Variants in ELN observed in about 807,000 individuals in gnomAD.
The protein encoded by ELN is elastin.
A neutral mutation model predicts 105.8 loss-of-function variants in ELN; 65 were observed. That is an observed-to-expected ratio of 0.61 (90% confidence interval 0.50 to 0.75). The LOEUF (loss-of-function observed/expected upper bound fraction) is 0.75, where lower values mean the gene tolerates loss of function less well. ELN is among the 30% of genes least tolerant of loss of function. The probability of loss-of-function intolerance (pLI) is 0.00; values close to 1 mark genes in which losing one functional copy is unlikely to be tolerated. For synonymous variants in ELN, 368 were observed against 389.2 expected, an observed-to-expected ratio of 0.95 and a Z score of 0.64; for missense variants, 882 against 969.4, an observed-to-expected ratio of 0.91 and a Z score of 1.20.
chr7:74,047,267 A>T (rs547932981), intron 12 of ELN, among the ~76,000 whole-genome samples: 1 of 152,268 alleles, frequency 6.6e-6, no homozygotes, highest in African/African-American at 2.4e-5. Flanking sequence ...ACGCTCATGC[A>T]CAGAGACCCA....
At chr7:74,035,602 G>A (rs1789743897) in intron 2 of ELN, 188 bp downstream of exon 2, 3 of 733,416 alleles carry the variant, frequency 4.1e-6, no homozygotes, top group African/African-American at 1.7e-5. Context: ...GGACATGGTG[G>A]CTTATGCCTG....
In ELN at chr7:74,069,784, C is replaced by T. The variant is rs1798677380; in HGVS notation, c.*1084C>T. On this transcript the variant is annotated 3_prime_UTR_variant, in exon 33 of 33. Coordinates refer to ENST00000252034, the MANE Select transcript of ELN (RefSeq NM_000501.4). ...TTTTCTGATCCGGGGAGCTGTATCC[C>T]CAGTAGAAAAAACATTTTAATCACT... 1 of 222,832 alleles carries T rather than the reference C, an allele frequency of 4.5e-6. No homozygotes were observed. Among genetic ancestry groups the T allele is most frequent in the Admixed American group, 5.8e-5 (1 of 17,390 alleles). The allele number at this position is 222,832 out of a possible 1,614,324, so 13.8% of individuals were successfully genotyped here.
At chr7:74,065,616 GAAAAAAAAA>G in intron 29 of ELN, 69 bp from the exon 30 acceptor site, 4 of 1,278,460 alleles carry the variant, frequency 3.1e-6, no homozygotes, top group Non-Finnish European at 4.2e-6. Flanking sequence ...TCTGCCTCAA[GAAAAAAAAA>G]AAAAAAAAAG....
chr7:74,028,455 C>T (rs1021716537), intron 1 of ELN, among the ~76,000 whole-genome samples, 186 bp downstream of exon 1: 3 of 152,214 alleles, frequency 2.0e-5, no homozygotes, highest in Non-Finnish European at 4.4e-5. Flanking sequence ...CCAGGAGGAA[C>T]CTGTCAAAGA....
At position 74,054,722 on chromosome 7, in the gene ELN, T is replaced by A; in HGVS notation, c.1103T>A (p.Val368Glu). Residue 368 changes from valine to glutamate, a missense_variant, in exon 19 of 33, where the codon GTG becomes GAG. Val to Glu is a moderately radical substitution (Grantham distance 121, BLOSUM62 -2). Transcript: ENST00000252034. ...TCCCTTTTGGTCTCTCCAGGGGTTGTGTCACCAGAAGCAGCTGCTAAGGCA... is the reference window on the plus strand; with the variant it reads ...TCCCTTTTGGTCTCTCCAGGGGTTGAGTCACCAGAAGCAGCTGCTAAGGCA... ...GIPGAAVPGV[V>E]SPEAAAKAAA... The A allele has an allele frequency of 1.2e-6, 2 of 1,614,212 alleles. No homozygotes were observed. Among genetic ancestry groups the A allele is most frequent in the Non-Finnish European group, 1.7e-6 (2 of 1,180,038 alleles).
At chr7:74,050,148 T>C (rs1188024664) in intron 15 of ELN, among the ~76,000 whole-genome samples, 3 of 149,760 alleles carry the variant, frequency 2.0e-5, no homozygotes, top group Non-Finnish European at 4.4e-5. Flanking sequence ...CTTCCATCCA[T>C]CCATCCATCC....
rs1554688967 is a variant in ELN, at chr7:74,065,997, G to C, written c.2086G>C (p.Gly696Arg). Residue 696 changes from glycine to arginine, a missense_variant and splice_region_variant, in exon 31 of 33, where the codon GGA (glycine) becomes CGA (arginine). Gly to Arg is a moderately radical substitution (Grantham distance 125). Coordinates refer to ENST00000252034, the MANE Select transcript of ELN (RefSeq NM_000501.4). ...GGGTGCCGGGCAGTTCCCACTTGGA[G>C]GTAGGGGTGGCCAGCTCTGCTACGT... is the stretch of plus-strand genomic sequence containing the variant. ...LGGAGQFPLG[G>R]VAARPGFGLS... 1 of 1,614,104 alleles carries C rather than the reference G, an allele frequency of 6.2e-7. No individual in the cohort carries two copies. The highest frequency in any genetic ancestry group is 2.2e-5 in the East Asian group (1 of 44,886).
intron 21 of ELN, 71 bp from the exon 22 acceptor site, chr7:74,057,569 T>C: frequency 6.2e-7 from 1 of 1,609,296 alleles, no homozygotes. Context: ...ATGGGAAGAC[T>C]GAGCCTAGAG....
rs531683445 is a variant in ELN, at chr7:74,040,570, G to A, written c.197-646G>A. Among the ~76,000 whole-genome samples, 84 of 152,312 alleles carry A rather than the reference G, an allele frequency of 5.5e-4. 1 individual carries two copies. Among genetic ancestry groups the A allele is most frequent in the Non-Finnish European group, 7.3e-5 (5 of 68,034 alleles). ...AGGACTAGCACTTGTAGGAGAGATC[G>A]TCACATAATTAGAAACAAACCTGGC... On this transcript the variant is annotated intron_variant, in intron 4 of 32. Transcript: ENST00000252034.
chr7:74,053,432 C>T (rs1794563493), intron 18 of ELN, 123 bp downstream of exon 18: 5 of 1,524,282 alleles, frequency 3.3e-6, no homozygotes, highest in East Asian at 2.5e-5. Context: ...CTGCCCATAC[C>T]CTTGACCACG....
intron 1 of ELN, among the ~76,000 whole-genome samples, chr7:74,029,272 C>G (rs1445680476): frequency 2.0e-5 from 3 of 152,028 alleles, no homozygotes; most frequent in Non-Finnish European, 4.4e-5. Flanking sequence ...GTGTCTGTCT[C>G]CTGGCAGAGG....
At chr7:74,039,028 G>C (rs1563771850) in intron 4 of ELN, among the ~76,000 whole-genome samples, 1 of 152,314 alleles carries the variant, frequency 6.6e-6, no homozygotes, top group East Asian at 1.9e-4. Flanking sequence ...GGAGATGATA[G>C]TGGTGCAGAG....
intron 17 of ELN, 178 bp from the exon 18 acceptor site, chr7:74,052,985 T>C (rs1159656709): frequency 1.4e-5 from 11 of 810,008 alleles, no homozygotes; most frequent in Non-Finnish European, 2.2e-5. Flanking sequence ...TAGAGCTCTT[T>C]AGGGACCCTC....
At chr7:74,043,256 C>G in intron 8 of ELN, 88 bp downstream of exon 8, 1 of 1,530,294 alleles carries the variant, frequency 6.5e-7, no homozygotes, top group Non-Finnish European at 8.8e-7. Context: ...TGCCACTGCA[C>G]TTGGGGAGGA....
At position 74,063,766 on chromosome 7, in the gene ELN, G is replaced by A; in HGVS notation, c.1993+71G>A. ...CGAGACAGAGATGGAGACAGAGACA[G>A]AGACAGAGACTTTCGTTCCCACCCC... On this transcript the variant is annotated intron_variant, in intron 29 of 32. Coordinates refer to ENST00000252034, the MANE Select transcript of ELN (RefSeq NM_000501.4). The surrounding 1 kb of genome is among the most constrained non-coding windows in gnomAD (Gnocchi z 4.1). The A allele has an allele frequency of 6.2e-7, 1 of 1,604,366 alleles. No individual in the cohort carries two copies. Among genetic ancestry groups the A allele is most frequent in the Non-Finnish European group, 8.5e-7 (1 of 1,171,506 alleles).
At position 74,051,952 on chromosome 7, in the gene ELN, T is replaced by TGCA; in HGVS notation, c.927_929dup (p.Ala311dup). 2 of 1,612,660 alleles carry TGCA rather than the reference T, an allele frequency of 1.2e-6. No homozygotes were observed. The highest frequency in any genetic ancestry group is 1.7e-6 in the Non-Finnish European group (2 of 1,179,896). ...TTGGGACTCCAGCTGCAGCTGCAGC[T>TGCA]GCAGCAGCAGCCGCTAAGGCAGCCA... On this transcript the variant is annotated inframe_insertion, in exon 17 of 33. Transcript: ENST00000252034.
intron 31 of ELN, 138 bp downstream of exon 31, chr7:74,066,135 A>G: frequency 8.0e-7 from 1 of 1,256,680 alleles, no homozygotes; most frequent in Non-Finnish European, 1.1e-6. Flanking sequence ...GCACTTTAGG[A>G]TTGCAGATGT....
At chr7:74,039,430 A>C (rs1790685825) in intron 4 of ELN, among the ~76,000 whole-genome samples, 1 of 152,198 alleles carries the variant, frequency 6.6e-6, no homozygotes, top group Non-Finnish European at 1.5e-5. Flanking sequence ...GGAGGCCCCC[A>C]CATCCGGGCT....
chr7:74,045,241 G>A lies in ELN; in HGVS notation c.489G>A (p.Val163=). ...CGGCAGGAGCTCGGTTCCCCGGTGT[G>A]GGGGTGCTCCCTGGAGTTCCCACTG... ...GVLPGARFPG[V]GVLPGVPTGA... is the part of the protein sequence containing the mutation. The change falls in exon 10 of 33, where the codon GTG becomes GTA. Residue 163 remains valine (V), a synonymous_variant. Coordinates refer to ENST00000252034, the MANE Select transcript of ELN (RefSeq NM_000501.4). 6.2e-7 allele frequency: 1 copy of A among 1,614,088 alleles called. No individual in the cohort carries two copies. The highest frequency in any genetic ancestry group is 1.1e-5 in the South Asian group (1 of 91,092).
Sources: allele counts gnomAD v4.1 joint callset (sites outside exome capture counted in the v4.1 genomes callset), GRCh38; gene constraint gnomAD v4.1.1; non-coding constraint Gnocchi (gnomAD v3.1); transcripts MANE v1.5; gene names NCBI Gene and HGNC (gene_info 2026-07-23, HGNC 2026-07-21).